CADPS: variants seen among roughly 807,000 people sequenced by gnomAD.
The protein encoded by CADPS is calcium-dependent secretion activator 1.
In CADPS, 57 loss-of-function variants were observed where a neutral mutation model predicts 167.3. The ratio of observed to expected loss-of-function variants is 0.34; its 90% CI spans 0.28 to 0.42. CADPS has a LOEUF of 0.42. Among genes scored for constraint, CADPS ranks in the 20% least tolerant of loss-of-function variants. CADPS has a pLI of 1.00. For synonymous variants in CADPS, 676 were observed against 635.3 expected (o/e 1.06, Z -0.96); for missense variants, 1,414 against 1,738.1 (o/e 0.81, Z 3.32).
At chr3:62,614,871 A>T (rs769080111) in intron 6 of CADPS, among the ~76,000 whole-genome samples, 4 of 152,164 alleles carry the variant, frequency 2.6e-5, no homozygotes, top group Admixed American at 6.5e-5. Flanking sequence ...CACCCTTCTC[A>T]GCCTCTCTTT....
chr3:62,815,196 T>C (rs1371788401), intron 1 of CADPS, among the ~76,000 whole-genome samples: 1 of 152,076 alleles, frequency 6.6e-6, no homozygotes, highest in Non-Finnish European at 1.5e-5. Flanking sequence ...AGCCCTGTAC[T>C]GGAAACAACC....
chr3:62,651,484 C>T (rs577697551), intron 4 of CADPS, among the ~76,000 whole-genome samples: 16 of 152,060 alleles, frequency 1.1e-4, no homozygotes, highest in African/African-American at 2.2e-4. Flanking sequence ...GAAAGAGACC[C>T]TATTTCTGGA....
chr3:62,843,005 T>C (rs886206292), intron 1 of CADPS, among the ~76,000 whole-genome samples: 1 of 152,200 alleles, frequency 6.6e-6, no homozygotes, highest in African/African-American at 2.4e-5. Context: ...ACATAACAAA[T>C]GTGTTTAAAA....
chr3:62,513,739 T>C lies in CADPS; in HGVS notation c.2582-971A>G, dbSNP rs2068373577. On this transcript the variant is annotated intron_variant, in intron 16 of 29. Transcript: ENST00000383710. ...AGAGGATTTGGGCATGCAAGAGGCT[T>C]AGGTCAGAGGTAAAGAGGTTAAAGG... The C allele has an allele frequency of 6.3e-6, 9 of 1,439,132 alleles. No individual in the cohort carries two copies. The East Asian group carries it at 2.2e-4, about 35-fold the overall frequency. The allele number at this position is 1,439,132 out of a possible 1,614,324, so 89.1% of individuals were successfully genotyped here.
chr3:62,845,957 G>A (rs2077356731), intron 1 of CADPS, among the ~76,000 whole-genome samples: 1 of 152,116 alleles, frequency 6.6e-6, no homozygotes, highest in Non-Finnish European at 1.5e-5. Flanking sequence ...AGTGGGAGGT[G>A]ATTGGTTTAG....
At chr3:62,471,336 CCT>C (rs2060586900) in intron 24 of CADPS, among the ~76,000 whole-genome samples, 1 of 152,184 alleles carries the variant, frequency 6.6e-6, no homozygotes, top group Non-Finnish European at 1.5e-5. Flanking sequence ...TCTTTCTCAT[CCT>C]CTGTCTCCAA....
rs2083220202 is a variant in CADPS, at chr3:62,753,685, A to G, written c.644T>C (p.Ile215Thr). The change falls in exon 3 of 30, where the codon ATT becomes ACT. Residue 215 changes from isoleucine to threonine, a missense_variant. Physicochemically the swap from Ile to Thr is moderately conservative, Grantham distance 89 (BLOSUM62 -1). Transcript: ENST00000383710. The surrounding 1 kb of genome is among the most constrained non-coding windows in gnomAD (Gnocchi z 4.6). ...AGGCAGGCTGCGCACTCTCTTCTCA[A>G]TGTGCTTCTTGAAGACCTCCCGGGA... The part of the protein sequence containing the change: ...NDSREVFKKH[I>T]EKRVRSLPEI... 3.1e-6 allele frequency: 5 copies of G among 1,614,092 alleles called. No individual in the cohort carries two copies. The highest frequency in any genetic ancestry group is 4.2e-6 in the Non-Finnish European group (5 of 1,180,010).
At chr3:62,457,180 G>C (rs1251900971) in intron 26 of CADPS, among the ~76,000 whole-genome samples, 1 of 152,188 alleles carries the variant, frequency 6.6e-6, no homozygotes, top group Non-Finnish European at 1.5e-5. Context: ...TCTAACAAGT[G>C]TCAAATACTT....
At chr3:62,639,119 G>A (rs2066903416) in intron 6 of CADPS, among the ~76,000 whole-genome samples, 1 of 152,138 alleles carries the variant, frequency 6.6e-6, no homozygotes, top group African/African-American at 2.4e-5. Context: ...TCTGGTCTGA[G>A]AGGCAGTACA....
intron 7 of CADPS, among the ~76,000 whole-genome samples, chr3:62,591,887 T>C (rs138768869): frequency 6.6e-6 from 1 of 152,360 alleles, no homozygotes; most frequent in East Asian, 1.9e-4. Context: ...GTGAGGCATC[T>C]TCCTGCATCC....
rs2058892528 is a variant in CADPS, at chr3:62,596,124, CACACACACACACACACACAT to C, written c.1326-3396_1326-3377del. Among the ~76,000 whole-genome samples the C allele has an allele frequency of 3.2e-5, 4 of 125,444 alleles. No homozygotes were observed. The South Asian group carries it at 7.3e-4, about 23-fold the overall frequency. 82.3% of individuals were successfully genotyped at this position (125,444 alleles called of 152,430 possible). On this transcript the variant is annotated intron_variant, in intron 6 of 29. Coordinates refer to ENST00000383710, the MANE Select transcript of CADPS (RefSeq NM_003716.4). The stretch of plus-strand genomic sequence containing the variant: ...ACACACACACACACACACACACACA[CACACACACACACACACACAT>C]ATCCTATTAGTTTTGTCCCTCTGGA...
chr3:62,552,171 T>G (rs1233955360), intron 10 of CADPS, among the ~76,000 whole-genome samples: 1 of 131,948 alleles, frequency 7.6e-6, no homozygotes, highest in Admixed American at 9.3e-5. Flanking sequence ...AGGTGGGAAT[T>G]GAACAATGAG....
intron 1 of CADPS, among the ~76,000 whole-genome samples, chr3:62,871,111 T>C (rs1023302674): frequency 6.6e-6 from 1 of 152,150 alleles, no homozygotes; most frequent in African/African-American, 2.4e-5. Flanking sequence ...AGATAGTCTG[T>C]TTAAAGTCCC....
intron 21 of CADPS, 83 bp downstream of exon 21, chr3:62,491,256 A>G (rs966998400): frequency 2.2e-6 from 3 of 1,368,546 alleles, no homozygotes; most frequent in Non-Finnish European, 3.1e-6. Flanking sequence ...AGTGAAACCC[A>G]TATGACATCA....
intron 7 of CADPS, among the ~76,000 whole-genome samples, chr3:62,588,294 T>G (rs1311851174): frequency 1.1e-5 from 1 of 94,930 alleles, no homozygotes; most frequent in Non-Finnish European, 2.9e-5. Context: ...TTTCCAGGTC[T>G]TTCTTTTTTT....
chr3:62,794,001 C>A (rs2093179958), intron 1 of CADPS, among the ~76,000 whole-genome samples: 1 of 152,128 alleles, frequency 6.6e-6, no homozygotes, highest in Non-Finnish European at 1.5e-5. Flanking sequence ...TTATCCCTCA[C>A]CCTCTCAAAT....
intron 8 of CADPS, among the ~76,000 whole-genome samples, chr3:62,571,548 C>T (rs1224843123): frequency 2.0e-5 from 3 of 151,488 alleles, no homozygotes; most frequent in Middle Eastern, 3.4e-3. Flanking sequence ...GCCGTCCGGA[C>T]ATGTTAAGAT....
Position 62,776,628 on chromosome 3 carries a change from T to G in CADPS, c.442-10644A>C, listed in dbSNP as rs574204807. Among the ~76,000 whole-genome samples, 3 of 152,206 alleles carry G rather than the reference T, an allele frequency of 2.0e-5. No individual in the cohort carries two copies. The South Asian group carries it at 6.2e-4, about 32-fold the overall frequency. ...GAGATTGCGCCACTGCACTCCAGCA[T>G]GGACAACAGAGAGAGACTCCATCTC... On this transcript the variant is annotated intron_variant, in intron 1 of 29. Transcript: ENST00000383710.
At chr3:62,649,571 T>TTA (rs2069522974) in intron 5 of CADPS, among the ~76,000 whole-genome samples, 1 of 121,074 alleles carries the variant, frequency 8.3e-6, no homozygotes, top group African/African-American at 3.2e-5. Context: ...TTTTTTTTTT[T>TTA]TTTTTTAAAG....
Sources: gnomAD v4.1 joint callset for allele counts (sites outside exome capture counted in the v4.1 genomes callset) on GRCh38, gnomAD v4.1.1 for gene constraint, Gnocchi (gnomAD v3.1) non-coding constraint, MANE v1.5 for transcripts, NCBI Gene and HGNC (gene_info 2026-07-23, HGNC 2026-07-21) for gene names.